ZBTB26: variants seen among roughly 807,000 people sequenced by gnomAD.
The protein encoded by ZBTB26 is zinc finger and BTB domain-containing protein 26.
A neutral mutation model predicts 31.6 loss-of-function variants in ZBTB26; 12 were observed. The observed-to-expected ratio is 0.38, with a 90% CI of 0.24 to 0.61. The LOEUF is 0.61. Among genes scored for constraint, ZBTB26 ranks in the 20% least tolerant of loss-of-function variants. The pLI is 0.60. For synonymous variants in ZBTB26, 155 were observed against 182.9 expected, an observed-to-expected ratio of 0.85 and a Z score of 1.23; for missense variants, 311 against 521.9, an observed-to-expected ratio of 0.60 and a Z score of 3.94.
At chr9:122,923,684 C>T (rs1362669516) in intron 1 of ZBTB26, among the ~76,000 whole-genome samples, 2 of 152,160 alleles carry the variant, frequency 1.3e-5, no homozygotes, top group Non-Finnish European at 2.9e-5. Context: ...CCTCCTCACA[C>T]CCCAAAATAA....
rs907916569 is a variant in ZBTB26 at position 122,916,153 on chromosome 9, C to T, written c.*2456G>A. The T allele has an allele frequency of 9.8e-5, 15 of 152,308 alleles. No individual in the cohort carries two copies. Among genetic ancestry groups the T allele is most frequent in the African/African-American group, 3.1e-4 (13 of 41,564 alleles). The allele number at this position is 152,308 out of a possible 1,614,324, so 9.4% of individuals were successfully genotyped here. On this transcript the variant is annotated 3_prime_UTR_variant, in exon 2 of 2. Coordinates refer to ENST00000373656, the MANE Select transcript of ZBTB26 (RefSeq NM_020924.4). ...AAATGGAGGAGACTGTAAATCACTT[C>T]AGTGGTTTGCATTTTCAAAAGGTGA...
intron 1 of ZBTB26, among the ~76,000 whole-genome samples, chr9:122,928,377 C>T (rs374213388): frequency 4.0e-5 from 6 of 151,718 alleles, no homozygotes; most frequent in East Asian, 3.9e-4. Context: ...CTCGGCTCAC[C>T]GCAACCTCAG....
chr9:122,918,945 G>C lies in ZBTB26; in HGVS notation c.990C>G (p.Ile330Met). 1 of 1,614,220 alleles carries C rather than the reference G, an allele frequency of 6.2e-7. No homozygotes were observed. Among genetic ancestry groups the C allele is most frequent in the Non-Finnish European group, 8.5e-7 (1 of 1,180,036 alleles). The change falls in exon 2 of 2, where the codon ATC (isoleucine) becomes ATG (methionine). Residue 330 changes from isoleucine (I) to methionine (M), a missense_variant. Ile to Met is a conservative substitution (Grantham distance 10). This residue lies in a region of ZBTB26 where 25 missense variants were observed against 93.0 expected (regional missense o/e 0.27). Coordinates refer to ENST00000373656, the MANE Select transcript of ZBTB26 (RefSeq NM_020924.4). ...HAGIKPFQCK[I>M]CGKTFSQKCS... ...ACTTCTGAGAAAAGGTTTTCCCACA[G>C]ATTTTACACTGGAAAGGTTTAATTC...
intron 1 of ZBTB26, among the ~76,000 whole-genome samples, chr9:122,927,757 AC>A (rs1343988915): frequency 4.6e-5 from 7 of 152,114 alleles, no homozygotes; most frequent in Admixed American, 4.6e-4. Context: ...CCCCTTCTCA[AC>A]TGCCTACCAC....
intron 1 of ZBTB26, among the ~76,000 whole-genome samples, chr9:122,924,442 C>T (rs965856696): frequency 2.0e-5 from 3 of 152,178 alleles, no homozygotes; most frequent in South Asian, 2.1e-4. Context: ...TTATACAGCT[C>T]ATTTGACAAA....
Position 122,918,631 on chromosome 9 carries a change from T to C in ZBTB26, c.1304A>G (p.Asn435Ser), listed in dbSNP as rs769160414. 3.1e-6 allele frequency: 5 copies of C among 1,613,302 alleles called. 1 individual carries two copies. The South Asian group carries it at 4.4e-5, about 14-fold the overall frequency. The change falls in exon 2 of 2, where the codon AAT (asparagine) becomes AGT (serine). Residue 435 changes from asparagine (N) to serine (S), a missense_variant. Around this residue, in one of 5 missense-constraint regions of ZBTB26, gnomAD observed 49 missense variants for 66.0 expected, o/e 0.74. Coordinates refer to ENST00000373656, the MANE Select transcript of ZBTB26 (RefSeq NM_020924.4). ...TACTCAATTCACACAAGTACTATCA[T>C]TTCTTAAGTTCAGGACAGCTTGGGC... is the stretch of plus-strand genomic sequence containing the variant. ...KLAQAVLNLR[N>S]DSTCVN
chr9:122,922,327 G>A (rs1043120346), intron 1 of ZBTB26, among the ~76,000 whole-genome samples: 2 of 152,084 alleles, frequency 1.3e-5, no homozygotes, highest in African/African-American at 2.4e-5. Context: ...TTCCCTGACC[G>A]CTTAATAGAG....
chr9:122,921,031 T>C (rs896211000), intron 1 of ZBTB26, among the ~76,000 whole-genome samples: 1 of 152,160 alleles, frequency 6.6e-6, no homozygotes, highest in Non-Finnish European at 1.5e-5. Context: ...ACCTCTTGAA[T>C]ATAAACTGAT....
chr9:122,925,992 C>T (rs188443562), intron 1 of ZBTB26, among the ~76,000 whole-genome samples: 39 of 151,980 alleles, frequency 2.6e-4, no homozygotes, highest in African/African-American at 8.0e-4. Context: ...ACTCCCGACC[C>T]GGGTGATTCA....
At chr9:122,927,777 C>T (rs1833204871) in intron 1 of ZBTB26, among the ~76,000 whole-genome samples, 1 of 152,128 alleles carries the variant, frequency 6.6e-6, no homozygotes, top group South Asian at 2.1e-4. Flanking sequence ...ACTCAGTATT[C>T]AGTTTAAGTT....
At chr9:122,925,832 C>T (rs1833169335) in intron 1 of ZBTB26, among the ~76,000 whole-genome samples, 1 of 137,594 alleles carries the variant, frequency 7.3e-6, no homozygotes, top group Non-Finnish European at 1.5e-5. Context: ...GTGCAATGGG[C>T]TTGCCGCAAC....
In ZBTB26 at chr9:122,918,431, C is replaced by T. The variant is rs1564333977; in HGVS notation, c.*178G>A. The stretch of plus-strand genomic sequence containing the variant: ...ACTCAAAACAGAAAATGGGAGAGGG[C>T]AAAAGTAAGGCAAATCCACTCCAAG... On this transcript the variant is annotated 3_prime_UTR_variant, in exon 2 of 2. Coordinates refer to ENST00000373656, the MANE Select transcript of ZBTB26 (RefSeq NM_020924.4). The T allele has an allele frequency of 1.0e-5, 9 of 872,892 alleles. No homozygotes were observed. Among genetic ancestry groups the T allele is most frequent in the Non-Finnish European group, 1.5e-5 (9 of 594,730 alleles). 54.1% of individuals were successfully genotyped at this position (872,892 alleles called of 1,614,324 possible). A position where few individuals can be genotyped will look rare whatever the true frequency, so the allele number is the denominator to read the frequency against.
intron 1 of ZBTB26, among the ~76,000 whole-genome samples, chr9:122,928,637 A>G (rs1833220904): frequency 6.6e-6 from 1 of 152,172 alleles, no homozygotes; most frequent in South Asian, 2.1e-4. Context: ...ATTTTTTTCA[A>G]AAAGCCTGTC....
chr9:122,926,001 C>T (rs1171879015), intron 1 of ZBTB26, among the ~76,000 whole-genome samples: 1 of 152,024 alleles, frequency 6.6e-6, no homozygotes, highest in East Asian at 1.9e-4. Context: ...CCGGGTGATT[C>T]ACCTGCTTCG....
At chr9:122,930,398 T>C (rs1354902718) in intron 1 of ZBTB26, among the ~76,000 whole-genome samples, 1 of 152,186 alleles carries the variant, frequency 6.6e-6, no homozygotes, top group Non-Finnish European at 1.5e-5. Context: ...AATGACACCA[T>C]TATAACTTAT....
chr9:122,924,594 CA>C (rs1833149447), intron 1 of ZBTB26, among the ~76,000 whole-genome samples: 1 of 147,692 alleles, frequency 6.8e-6, no homozygotes, highest in African/African-American at 2.5e-5. Flanking sequence ...ATAGTTTTGG[CA>C]ATATAAAACC....
intron 1 of ZBTB26, among the ~76,000 whole-genome samples, chr9:122,922,390 A>G (rs1265952415): frequency 6.6e-6 from 1 of 152,170 alleles, no homozygotes; most frequent in African/African-American, 2.4e-5. Flanking sequence ...CACTCAACAC[A>G]CTTTATTAAA....
intron 1 of ZBTB26, 133 bp downstream of exon 1, chr9:122,931,304 A>T (rs566720045): frequency 6.6e-6 from 1 of 151,926 alleles, no homozygotes; most frequent in Non-Finnish European, 1.5e-5. Flanking sequence ...GGGCTCCTCA[A>T]GTCCCCAGGG....
intron 1 of ZBTB26, among the ~76,000 whole-genome samples, chr9:122,930,599 C>T (rs1488196790): frequency 6.6e-6 from 1 of 152,180 alleles, no homozygotes; most frequent in Non-Finnish European, 1.5e-5. Flanking sequence ...GTTCCGAACT[C>T]TTCAAAAAAC....
Sources: allele counts gnomAD v4.1 joint callset (sites outside exome capture counted in the v4.1 genomes callset), GRCh38; gene constraint gnomAD v4.1.1; regional missense constraint gnomAD v4.1.1; transcripts MANE v1.5; gene names NCBI Gene and HGNC (gene_info 2026-07-23, HGNC 2026-07-21).